EPC1: variants seen among roughly 807,000 people sequenced by gnomAD.
EPC1 encodes the protein enhancer of polycomb 1.
In EPC1, 12 loss-of-function variants were observed where a neutral mutation model predicts 98.4. The ratio of observed to expected loss-of-function variants is 0.12; its 90% CI spans 0.08 to 0.20. The LOEUF is 0.20. Among genes scored for constraint, EPC1 ranks in the 10% least tolerant of loss-of-function variants. The probability of loss-of-function intolerance (pLI) is 1.00; values close to 1 mark genes in which losing one functional copy is unlikely to be tolerated. For missense variants in EPC1, 729 were observed against 990.5 expected (o/e 0.74, Z 3.54); for synonymous variants, 357 against 363.9 (o/e 0.98, Z 0.21).
rs114398906 is a variant in EPC1 at position 32,359,414 on chromosome 10, C to T, written c.3+19077G>A. Among the ~76,000 whole-genome samples the T allele has an allele frequency of 3.8e-3, 574 of 152,172 alleles. 1 individual carries two copies. The highest frequency in any genetic ancestry group is 0.013 in the African/African-American group (546 of 41,502). ...GAGAAATGTTTAGCTACATTTCTTT[C>T]CAAAAATTTCTCTAGTAAAATGAAT... On this transcript the variant is annotated intron_variant, in intron 1 of 13. Coordinates refer to the EPC1 transcript ENST00000375110.
intron 2 of EPC1, among the ~76,000 whole-genome samples, chr10:32,302,278 C>A (rs760097932): frequency 6.6e-6 from 1 of 151,840 alleles, no homozygotes; most frequent in Non-Finnish European, 1.5e-5. Context: ...ATATATCTGA[C>A]AAAGACACTG....
intron 1 of EPC1, among the ~76,000 whole-genome samples, chr10:32,353,832 A>T (rs1839194493): frequency 6.6e-6 from 1 of 152,254 alleles, no homozygotes; most frequent in Admixed American, 6.5e-5. Context: ...AATCATTTCT[A>T]ATCATTTCTC....
chr10:32,295,162 G>C (rs573401011), intron 2 of EPC1, among the ~76,000 whole-genome samples: 2 of 152,272 alleles, frequency 1.3e-5, no homozygotes, highest in South Asian at 4.1e-4. Flanking sequence ...TCTTTAGGGA[G>C]AGGCATGCCT....
At chr10:32,350,864 T>C (rs141987954), upstream of EPC1, among the ~76,000 whole-genome samples, 1 of 152,238 alleles carries the variant, frequency 6.6e-6, no homozygotes, top group African/African-American at 2.4e-5. Flanking sequence ...CCAAGTCTTA[T>C]GATTTCTTCT....
chr10:32,327,098 G>A (rs1837341539), intron 1 of EPC1, among the ~76,000 whole-genome samples: 1 of 123,218 alleles, frequency 8.1e-6, no homozygotes, highest in African/African-American at 2.9e-5. Flanking sequence ...CACTCACAAT[G>A]GAATAATATT....
At chr10:32,348,427 G>T (rs1316757908), upstream of EPC1, among the ~76,000 whole-genome samples, 2 of 152,120 alleles carry the variant, frequency 1.3e-5, no homozygotes, top group Non-Finnish European at 2.9e-5. Context: ...TTCTCCCTGG[G>T]AACTACGTAG....
intron 1 of EPC1, chr10:32,378,481 A>C: frequency 1.3e-6 from 2 of 1,546,814 alleles, no homozygotes; most frequent in South Asian, 2.4e-5. Flanking sequence ...GGTGAAAATT[A>C]CAAACTTACC....
intron 1 of EPC1, among the ~76,000 whole-genome samples, chr10:32,375,435 G>T (rs1236182099): frequency 6.6e-6 from 1 of 151,972 alleles, no homozygotes; most frequent in African/African-American, 2.4e-5. Flanking sequence ...CAATACTAAT[G>T]AATGCAAGTT....
intron 1 of EPC1, among the ~76,000 whole-genome samples, chr10:32,326,700 T>C (rs928289227): frequency 2.0e-5 from 3 of 152,104 alleles, no homozygotes; most frequent in Non-Finnish European, 4.4e-5. Flanking sequence ...AAGTCAGTTA[T>C]AATAACTTGA....
chr10:32,376,063 C>T lies in EPC1; in HGVS notation c.3+2428G>A, dbSNP rs189477378. On this transcript the variant is annotated intron_variant, in intron 1 of 13. Transcript: ENST00000375110. ...ATAAAATAGTGAACTGTTTTTGCCT[C>T]ATAGATTTCAACCTCCTTAAATACT... Among the ~76,000 whole-genome samples, 9 of 152,020 alleles carry T rather than the reference C, an allele frequency of 5.9e-5. 1 individual carries two copies. The East Asian group carries it at 1.7e-3, about 29-fold the overall frequency.
intron 1 of EPC1, among the ~76,000 whole-genome samples, chr10:32,334,982 G>A (rs1837866917): frequency 6.6e-6 from 1 of 152,132 alleles, no homozygotes; most frequent in Admixed American, 6.5e-5. Flanking sequence ...TGAAACAACC[G>A]TGCTGTACAA....
chr10:32,291,386 A>G, intron 5 of EPC1, 64 bp from the exon 6 acceptor site: 1 of 1,245,146 alleles, frequency 8.0e-7, no homozygotes, highest in Non-Finnish European at 1.1e-6. Flanking sequence ...TGATGTTTTG[A>G]TATACATTTA....
At chr10:32,368,748 G>T (rs951281864) in intron 1 of EPC1, among the ~76,000 whole-genome samples, 2 of 152,030 alleles carry the variant, frequency 1.3e-5, no homozygotes, top group South Asian at 4.1e-4. Context: ...TTAAATTCGC[G>T]TCGCACTGTG....
intron 3 of EPC1, 71 bp downstream of exon 3, chr10:32,293,521 C>T (rs1453027229): frequency 3.3e-5 from 47 of 1,430,372 alleles, no homozygotes; most frequent in East Asian, 7.0e-5. Context: ...TGCAATCTCA[C>T]ACTCTTTCCA....
intron 1 of EPC1, among the ~76,000 whole-genome samples, chr10:32,342,809 A>G (rs1025243307): frequency 1.3e-5 from 2 of 152,206 alleles, no homozygotes; most frequent in African/African-American, 4.8e-5. Context: ...CCATTTTGCT[A>G]AACATCATTT....
chr10:32,358,651 G>C (rs1839353022), intron 1 of EPC1, among the ~76,000 whole-genome samples: 1 of 150,370 alleles, frequency 6.7e-6, no homozygotes, highest in Non-Finnish European at 1.5e-5. Flanking sequence ...AAAAAAAGCG[G>C]GGGCGGGGGG....
intron 1 of EPC1, among the ~76,000 whole-genome samples, chr10:32,335,483 G>A (rs1429693799): frequency 2.0e-5 from 1 of 50,934 alleles, no homozygotes; most frequent in Non-Finnish European, 6.0e-5. Context: ...GCCCTTTCAA[G>A]CAGAAGCTGT....
At chr10:32,297,473 G>A (rs1835239617) in intron 2 of EPC1, among the ~76,000 whole-genome samples, 3 of 151,952 alleles carry the variant, frequency 2.0e-5, no homozygotes, top group Admixed American at 1.3e-4. Flanking sequence ...TTTTAGTAGA[G>A]ATGGGGTTTC....
chr10:32,283,850 G>A (rs944085611), intron 10 of EPC1: 4 of 151,934 alleles, frequency 2.6e-5, no homozygotes, highest in African/African-American at 9.7e-5. Context: ...GTTGTTCAGG[G>A]GTCAACTGTA....
Sources: gnomAD v4.1 joint callset for allele counts (sites outside exome capture counted in the v4.1 genomes callset) on GRCh38, gnomAD v4.1.1 for gene constraint, MANE v1.5 for transcripts, NCBI Gene and HGNC (gene_info 2026-07-23, HGNC 2026-07-21) for gene names.